NDUFAF6: variants seen among roughly 807,000 people sequenced by gnomAD.
NDUFAF6 encodes the protein NADH:ubiquinone oxidoreductase complex assembly factor 6, also known as NADH dehydrogenase (ubiquinone) complex I, assembly factor 6.
A neutral mutation model predicts 40.8 loss-of-function variants in NDUFAF6; 45 were observed. The ratio of observed to expected loss-of-function variants is 1.10; its 90% CI spans 0.87 to 1.42. The LOEUF is 1.42. Among genes scored for constraint, NDUFAF6 ranks in the 40% most tolerant of loss-of-function variants. NDUFAF6 has a pLI of 0.00. For synonymous variants in NDUFAF6, 185 were observed against 155.9 expected (o/e 1.19, Z -1.39); for missense variants, 435 against 418.5 (o/e 1.04, Z -0.34).
At chr8:95,033,861 C>T (rs1252291098) in intron 2 of NDUFAF6, 6 of 374,190 alleles carry the variant, frequency 1.6e-5, no homozygotes, top group Admixed American at 3.2e-5. Flanking sequence ...CAGGGAGGGG[C>T]GCATGGGAGG....
chr8:94,960,194 A>G (rs1056668266), intron 1 of NDUFAF6, among the ~76,000 whole-genome samples: 2 of 152,198 alleles, frequency 1.3e-5, no homozygotes, highest in Non-Finnish European at 2.9e-5. Flanking sequence ...GATAAAATTG[A>G]CATACTGTAT....
Position 95,045,608 on chromosome 8 carries a change from A to G in NDUFAF6, c.541A>G (p.Thr181Ala). The part of the protein sequence containing the change: ...IKELENYAEN[T>A]QSSLLYLTLE... ...GGAACTGGAAAATTATGCTGAAAAC[A>G]CACAGAGCTCTCTTCTTTACTTAAC... is the stretch of plus-strand genomic sequence containing the variant. The change falls in exon 5 of 9, where the codon ACA becomes GCA. Residue 181 changes from threonine (T) to alanine (A), a missense_variant. Transcript: ENST00000396124. The G allele has an allele frequency of 6.2e-7, 1 of 1,613,564 alleles. No individual in the cohort carries two copies. Among genetic ancestry groups the G allele is most frequent in the Non-Finnish European group, 8.5e-7 (1 of 1,179,676 alleles).
chr8:94,901,362 A>G (rs3019182), intron 1 of NDUFAF6, among the ~76,000 whole-genome samples: 108,734 of 151,638 alleles, frequency 0.72, 39,278 homozygotes, highest in East Asian at 0.8. Flanking sequence ...GGAAGGGGTT[A>G]GTTTGTGGGA....
Position 95,025,341 on chromosome 8 carries a change from T to C in NDUFAF6, c.197+136T>C, listed in dbSNP as rs186975843. 254 of 896,048 alleles carry C rather than the reference T, an allele frequency of 2.8e-4. 1 individual carries two copies. The highest frequency in any genetic ancestry group is 1.8e-3 in the Admixed American group (41 of 23,336). The allele number at this position is 896,048 out of a possible 1,614,324, so 55.5% of individuals were successfully genotyped here. ...GTGCCCCTCTGGGTGTGCGTTCTAG[T>C]GGGCGTCGGGTGCGGGTGTGCGGAG... On this transcript the variant is annotated intron_variant, in intron 1 of 8. Coordinates refer to ENST00000396124, the MANE Select transcript of NDUFAF6 (RefSeq NM_152416.4).
chr8:94,956,780 G>C (rs1315999576), upstream of NDUFAF6, among the ~76,000 whole-genome samples: 2 of 152,112 alleles, frequency 1.3e-5, no homozygotes, highest in African/African-American at 4.8e-5. Flanking sequence ...TGAAGATAGA[G>C]ACAATAAGGC....
chr8:94,940,405 C>A (rs1034363783), intron 1 of NDUFAF6, among the ~76,000 whole-genome samples: 3 of 151,852 alleles, frequency 2.0e-5, no homozygotes, highest in African/African-American at 7.3e-5. Context: ...CATTTATATT[C>A]ATCTATATGA....
upstream of NDUFAF6, among the ~76,000 whole-genome samples, chr8:95,020,803 T>C (rs1827663438): frequency 6.6e-6 from 1 of 152,208 alleles, no homozygotes; most frequent in Non-Finnish European, 1.5e-5. Context: ...CAGTAAGACC[T>C]GGCAAAGTGA....
chr8:95,072,882 A>C (rs922915379), intron 9 of NDUFAF6: 3 of 155,194 alleles, frequency 1.9e-5, no homozygotes, highest in African/African-American at 7.2e-5. Context: ...GGCAGTGGGC[A>C]CCTGGGGGAA....
chr8:94,922,306 G>T (rs962142370), intron 1 of NDUFAF6, among the ~76,000 whole-genome samples: 1 of 151,744 alleles, frequency 6.6e-6, no homozygotes, highest in Non-Finnish European at 1.5e-5. Context: ...CACCGAGTCC[G>T]GCCAAATCCG....
intron 1 of NDUFAF6, among the ~76,000 whole-genome samples, chr8:94,920,765 G>A (rs891907209): frequency 1.3e-5 from 2 of 152,248 alleles, no homozygotes; most frequent in Non-Finnish European, 2.9e-5. Context: ...CTCACAGGCT[G>A]TGTTGCCAGC....
chr8:95,056,931 ATT>A (rs1196951978), intron 8 of NDUFAF6, among the ~76,000 whole-genome samples: 1 of 151,952 alleles, frequency 6.6e-6, no homozygotes, highest in Admixed American at 6.6e-5. Flanking sequence ...TAGATAATGA[ATT>A]TGTTTGTATT....
intron 1 of NDUFAF6, among the ~76,000 whole-genome samples, chr8:94,906,907 A>G (rs989262573): frequency 6.6e-5 from 10 of 152,224 alleles, no homozygotes; most frequent in African/African-American, 2.2e-4. Flanking sequence ...GTCTCCCACT[A>G]GAAGTTCTTA....
upstream of NDUFAF6, among the ~76,000 whole-genome samples, chr8:95,098,439 G>A (rs560736997): frequency 5.9e-5 from 9 of 151,908 alleles, no homozygotes; most frequent in African/African-American, 1.2e-4. Context: ...AGGCCGAGGC[G>A]GGCAGATCAC....
At chr8:94,968,451 C>T (rs1420508084) in intron 1 of NDUFAF6, among the ~76,000 whole-genome samples, 1 of 152,176 alleles carries the variant, frequency 6.6e-6, no homozygotes, top group Non-Finnish European at 1.5e-5. Context: ...AAACCTGGCA[C>T]ACGGGGCAGC....
At chr8:94,917,779 A>T (rs1055451982) in intron 1 of NDUFAF6, among the ~76,000 whole-genome samples, 3 of 152,254 alleles carry the variant, frequency 2.0e-5, no homozygotes, top group Admixed American at 6.5e-5. Context: ...TTATGAATAC[A>T]TGCATTAGTG....
chr8:94,959,040 A>T (rs1823326696), intron 1 of NDUFAF6, among the ~76,000 whole-genome samples: 1 of 150,736 alleles, frequency 6.6e-6, no homozygotes, highest in Non-Finnish European at 1.5e-5. Context: ...GCTGGTAAGA[A>T]TGATATGGCA....
rs1460612468 is a variant in NDUFAF6 at position 95,047,060 on chromosome 8, G to T, written c.647G>T (p.Cys216Phe). The T allele has an allele frequency of 2.0e-5, 32 of 1,614,050 alleles. No individual in the cohort carries two copies. Among genetic ancestry groups the T allele is most frequent in the Non-Finnish European group, 2.5e-5 (30 of 1,180,020 alleles). Residue 216 changes from cysteine (C) to phenylalanine (F), a missense_variant, in exon 6 of 9, where the codon TGC becomes TTC. Cys to Phe is a radical substitution (Grantham distance 205). Coordinates refer to ENST00000396124, the MANE Select transcript of NDUFAF6 (RefSeq NM_152416.4). ...GGAAAAGCACAAGGCATTGTCACTTGCTTGAGAGCAACACCATATCATGGG... is the reference window on the plus strand; with the variant it reads ...GGAAAAGCACAAGGCATTGTCACTTTCTTGAGAGCAACACCATATCATGGG... ...HIGKAQGIVT[C>F]LRATPYHGSR...
rs57749627 is a variant in NDUFAF6 at position 94,904,320 on chromosome 8, C to CTTTTTTTTTTT, written c.-936+8420_-936+8430dup. Reference sequence around the variant, plus strand: ...CATCACACCTGGCTAATTTTTTTTGCTTTTTTTTTTTTTTTTTTTTTTTTT... The same window carrying CTTTTTTTTTTT: ...CATCACACCTGGCTAATTTTTTTTGCTTTTTTTTTTTTTTTTTTTTTTTTTTTTTTTTTTTT... On this transcript the variant is annotated intron_variant, in intron 1 of 14. Coordinates refer to the NDUFAF6 transcript ENST00000396113. Among the ~76,000 whole-genome samples the CTTTTTTTTTTT allele has an allele frequency of 5.9e-4, 20 of 34,138 alleles. 6 individuals carry two copies. The highest frequency in any genetic ancestry group is 2.3e-3 in the African/African-American group (15 of 6,580). The allele number at this position is 34,138 out of a possible 152,430, so 22.4% of individuals were successfully genotyped here.
chr8:94,901,311 G>A (rs1319745916), intron 1 of NDUFAF6, among the ~76,000 whole-genome samples: 1 of 152,100 alleles, frequency 6.6e-6, no homozygotes, highest in Non-Finnish European at 1.5e-5. Context: ...GGGGAAAAGA[G>A]TAGAAGCAGG....
Sources: gnomAD v4.1 joint callset for allele counts (sites outside exome capture counted in the v4.1 genomes callset) on GRCh38, gnomAD v4.1.1 for gene constraint, MANE v1.5 for transcripts, NCBI Gene and HGNC (gene_info 2026-07-23, HGNC 2026-07-21) for gene names.